ACOT7: variants seen among roughly 807,000 people sequenced by gnomAD.
The protein encoded by ACOT7 is acyl-CoA thioesterase 7.
Under a neutral mutation model 40.2 loss-of-function variants are expected in ACOT7, and 12 were observed. The ratio of observed to expected loss-of-function variants is 0.30; its 90% CI spans 0.19 to 0.48. The LOEUF (loss-of-function observed/expected upper bound fraction) is 0.48, where lower values mean the gene tolerates loss of function less well. Ranked by LOEUF, ACOT7 falls within the 20% of genes least tolerant of loss-of-function variation. The pLI is 0.99. For synonymous variants in ACOT7, 228 were observed against 219.5 expected (o/e 1.04, Z -0.34); for missense variants, 395 against 530.8 (o/e 0.74, Z 2.51).
chr1:6,304,737 A>G (rs1005620389), intron 6 of ACOT7, among the ~76,000 whole-genome samples: 1 of 133,636 alleles, frequency 7.5e-6, no homozygotes, highest in African/African-American at 3.1e-5. Context: ...ACAGGATCCC[A>G]AGGCAGAAGA....
intron 1 of ACOT7, among the ~76,000 whole-genome samples, chr1:6,382,047 A>G (rs1478899722): frequency 6.6e-6 from 1 of 151,258 alleles, no homozygotes; most frequent in East Asian, 1.9e-4. Flanking sequence ...CTGAGGCAGG[A>G]GAATGGCATG....
chr1:6,360,521 C>G (rs751371971), intron 1 of ACOT7: 2 of 1,607,998 alleles, frequency 1.2e-6, no homozygotes, highest in South Asian at 2.2e-5. Flanking sequence ...AACACACTTC[C>G]CTCCCCTGAC....
chr1:6,345,461 C>G (rs1022037566), intron 2 of ACOT7, among the ~76,000 whole-genome samples: 1 of 152,224 alleles, frequency 6.6e-6, no homozygotes, highest in African/African-American at 2.4e-5. Context: ...ACGTCTCAGT[C>G]TCTGTAAACA....
In ACOT7 at chr1:6,375,146, G is replaced by A. The variant is rs1357092653; in HGVS notation, c.143+18111C>T. 7.0e-4 allele frequency among the ~76,000 whole-genome samples: 104 copies of A among 147,766 alleles called. 2 individuals carry two copies. The highest frequency in any genetic ancestry group is 6.8e-3 in the Admixed American group (103 of 15,044). On this transcript the variant is annotated intron_variant, in intron 1 of 8. Transcript: ENST00000361521. ...CAAAAAATTAGCCGGGCGTGGTGGC[G>A]GGCGCCTGTAGGAGGCTGAGGCAGG...
intron 1 of ACOT7, among the ~76,000 whole-genome samples, chr1:6,387,105 C>T (rs1248938583): frequency 2.0e-5 from 3 of 151,998 alleles, no homozygotes; most frequent in East Asian, 3.9e-4. Context: ...GAGCTCGATC[C>T]GGTTCCATCG....
At chr1:6,360,337 G>T (rs1485964710) in intron 1 of ACOT7, among the ~76,000 whole-genome samples, 5 of 152,184 alleles carry the variant, frequency 3.3e-5, no homozygotes, top group Admixed American at 2.0e-4. Context: ...GGCTGAAAAT[G>T]CCCCCTGAGC....
chr1:6,341,564 A>T (rs1298691389), intron 2 of ACOT7, among the ~76,000 whole-genome samples: 1 of 151,486 alleles, frequency 6.6e-6, no homozygotes, highest in African/African-American at 2.4e-5. Flanking sequence ...AACATGGTGA[A>T]ACCCCGTCTC....
chr1:6,287,066 A>G (rs1227100719), intron 7 of ACOT7, among the ~76,000 whole-genome samples: 5 of 152,228 alleles, frequency 3.3e-5, no homozygotes, highest in Non-Finnish European at 7.3e-5. Context: ...GATAACAGGC[A>G]TGAGCCACCG....
chr1:6,348,135 G>C (rs1641484310), intron 2 of ACOT7, among the ~76,000 whole-genome samples: 1 of 151,916 alleles, frequency 6.6e-6, no homozygotes, highest in South Asian at 2.1e-4. Context: ...CTCTGAACGT[G>C]ACTGAGCTGC....
At chr1:6,293,850 C>G (rs1215799928) in intron 7 of ACOT7, among the ~76,000 whole-genome samples, 2 of 152,244 alleles carry the variant, frequency 1.3e-5, no homozygotes, top group Non-Finnish European at 2.9e-5. Flanking sequence ...CCATTCCAAT[C>G]TTAGGTGCTT....
intron 6 of ACOT7, among the ~76,000 whole-genome samples, chr1:6,316,040 G>A (rs1442188054): frequency 6.6e-6 from 1 of 152,140 alleles, no homozygotes; most frequent in Non-Finnish European, 1.5e-5. Flanking sequence ...TGGGCTTAAG[G>A]GTGTGGACTT....
chr1:6,365,723 G>A (rs1437781833), intron 1 of ACOT7, among the ~76,000 whole-genome samples: 22 of 148,632 alleles, frequency 1.5e-4, no homozygotes, highest in Admixed American at 1.0e-3. Flanking sequence ...AGCCGAGATC[G>A]CACCACTGCA....
chr1:6,351,527 AG>A (rs1432754963), intron 1 of ACOT7, among the ~76,000 whole-genome samples: 1 of 152,248 alleles, frequency 6.6e-6, no homozygotes, highest in Non-Finnish European at 1.5e-5. Flanking sequence ...CTTAGTAGGA[AG>A]GGCCTTCCCC....
Position 6,288,749 on chromosome 1 carries a change from G to A in ACOT7, c.829+6115C>T, listed in dbSNP as rs1374579709. ...CAGGGTGGCAGTGGCCTCCATGGCCGCGGGTGAGGCCTCTCCCAGCCACGA... is the reference window on the plus strand; with the variant it reads ...CAGGGTGGCAGTGGCCTCCATGGCCACGGGTGAGGCCTCTCCCAGCCACGA... On this transcript the variant is annotated intron_variant, in intron 7 of 8. Coordinates refer to ENST00000361521, the MANE Select transcript of ACOT7 (RefSeq NM_007274.4). The surrounding 1 kb of genome is among the most constrained non-coding windows in gnomAD (Gnocchi z 4.3). 2.6e-5 allele frequency among the ~76,000 whole-genome samples: 4 copies of A among 152,208 alleles called. No homozygotes were observed. The highest frequency in any genetic ancestry group is 4.8e-5 in the African/African-American group (2 of 41,452).
intron 6 of ACOT7, among the ~76,000 whole-genome samples, chr1:6,308,708 C>T (rs1004055768): frequency 2.6e-5 from 4 of 152,146 alleles, no homozygotes; most frequent in African/African-American, 7.2e-5. Context: ...CAGCCACAGG[C>T]AGAGGGAACC....
At chr1:6,270,548 C>G (rs763965233) in intron 8 of ACOT7, among the ~76,000 whole-genome samples, 10 of 152,176 alleles carry the variant, frequency 6.6e-5, no homozygotes, top group Non-Finnish European at 1.0e-4. Context: ...CCATGTATCC[C>G]GGGCACCTGC....
rs1448773322 is a variant in ACOT7, at chr1:6,264,519, A to AG, written c.*77dup. The AG allele has an allele frequency of 7.1e-7, 1 of 1,410,466 alleles. No homozygotes were observed. Among genetic ancestry groups the AG allele is most frequent in the Non-Finnish European group, 9.6e-7 (1 of 1,040,252 alleles). The allele number at this position is 1,410,466 out of a possible 1,614,324, so 87.4% of individuals were successfully genotyped here. ...TCAATGTGAATTGGGTTTTTGGCCA[A>AG]GGGGGGAACTTCTAAGTGACTGGAC... On this transcript the variant is annotated 3_prime_UTR_variant, in exon 9 of 9. Transcript: ENST00000361521.
At chr1:6,383,849 C>T (rs946910099) in intron 1 of ACOT7, among the ~76,000 whole-genome samples, 3 of 151,862 alleles carry the variant, frequency 2.0e-5, no homozygotes, top group Middle Eastern at 3.4e-3. Flanking sequence ...GGACTACAGG[C>T]GCCCGCCACC....
chr1:6,270,034 G>A (rs962910916), intron 8 of ACOT7, among the ~76,000 whole-genome samples: 8 of 152,224 alleles, frequency 5.3e-5, no homozygotes, highest in Admixed American at 2.6e-4. Context: ...AAAGGGCCGC[G>A]GGGCGGTGTC....
Sources: gnomAD v4.1 joint callset for allele counts (sites outside exome capture counted in the v4.1 genomes callset) on GRCh38, gnomAD v4.1.1 for gene constraint, Gnocchi (gnomAD v3.1) non-coding constraint, MANE v1.5 for transcripts, NCBI Gene and HGNC (gene_info 2026-07-23, HGNC 2026-07-21) for gene names.